The following SDK2 variants were observed in gnomAD, a reference collection of about 807,000 sequenced individuals.
SDK2 encodes the protein sidekick cell adhesion molecule 2.
A neutral mutation model predicts 253.9 loss-of-function variants in SDK2; 105 were observed. The observed-to-expected ratio is 0.41, with a 90% CI of 0.35 to 0.49. The LOEUF is 0.49. Among genes scored for constraint, SDK2 ranks in the 20% least tolerant of loss-of-function variants. The probability of loss-of-function intolerance (pLI) is 0.06; values close to 1 mark genes in which losing one functional copy is unlikely to be tolerated. For missense variants in SDK2, 2,608 were observed against 3,003.0 expected, an observed-to-expected ratio of 0.87 and a Z score of 3.07; for synonymous variants, 1,249 against 1,234.9, an observed-to-expected ratio of 1.01 and a Z score of -0.24.
intron 2 of SDK2, among the ~76,000 whole-genome samples, chr17:73,482,266 T>C (rs1294591207): frequency 8.2e-6 from 1 of 122,126 alleles, no homozygotes; most frequent in African/African-American, 2.9e-5. Context: ...CAAGACTCCA[T>C]CTCAAAAAAA....
At chr17:73,509,040 A>T (rs746482668) in intron 1 of SDK2, among the ~76,000 whole-genome samples, 4 of 152,050 alleles carry the variant, frequency 2.6e-5, no homozygotes, top group African/African-American at 4.8e-5. Flanking sequence ...CTGTGCCCAG[A>T]GGGGTGGGAT....
At chr17:73,364,328 AG>A (rs1483787707) in intron 38 of SDK2, among the ~76,000 whole-genome samples, 1 of 152,130 alleles carries the variant, frequency 6.6e-6, no homozygotes, top group Non-Finnish European at 1.5e-5. Flanking sequence ...GCCCGGAGGA[AG>A]GGGTCAGAAG....
At position 73,465,710 on chromosome 17, in the gene SDK2, C is replaced by T. The variant is rs1212990304; in HGVS notation, c.331+6402G>A. Among the ~76,000 whole-genome samples, 1 of 152,168 alleles carries T rather than the reference C, an allele frequency of 6.6e-6. No homozygotes were observed. Among genetic ancestry groups the T allele is most frequent in the Non-Finnish European group, 1.5e-5 (1 of 68,038 alleles). On this transcript the variant is annotated intron_variant, in intron 3 of 44. Transcript: ENST00000392650. The surrounding 1 kb of genome is among the most constrained non-coding windows in gnomAD (Gnocchi z 4.2). ...TTGCCATTATCATTAGTTGTTAGCA[C>T]AGCTGCCTTATTAATTTCTCATTAG...
chr17:73,507,748 G>A (rs1172861792), intron 1 of SDK2, among the ~76,000 whole-genome samples, 151 bp from the exon 2 acceptor site: 1 of 152,170 alleles, frequency 6.6e-6, no homozygotes, highest in Non-Finnish European at 1.5e-5. Flanking sequence ...TTGAACCTGG[G>A]TCAGTCTGAC....
rs2062641002 is a variant in SDK2 at position 73,361,638 on chromosome 17, G to C, written c.5467+46C>G. On this transcript the variant is annotated intron_variant, in intron 39 of 44. Transcript: ENST00000392650. This position sits in a 1 kb window ranked among gnomAD's most constrained non-coding sequence, Gnocchi z 4.1. ...CCGGGGGCCCCTTCTGACTGGGGAC[G>C]CTGAACCGCCGTGTGGAAGACATGC... 6.3e-7 allele frequency: 1 copy of C among 1,581,440 alleles called. No individual in the cohort carries two copies. The highest frequency in any genetic ancestry group is 1.7e-5 in the Admixed American group (1 of 59,258).
chr17:73,346,689 T>C lies in SDK2; in HGVS notation c.6165+1910A>G, dbSNP rs2062487715. ...CAAACTGACGCTTTGTTTATTGCCA[T>C]ATCACAGGAAAACGACTGGGCAGAT... On this transcript the variant is annotated intron_variant, in intron 44 of 44. Coordinates refer to ENST00000392650, the MANE Select transcript of SDK2 (RefSeq NM_001144952.2). Among the ~76,000 whole-genome samples, 2 of 152,182 alleles carry C rather than the reference T, an allele frequency of 1.3e-5. 1 individual carries two copies. The highest frequency in any genetic ancestry group is 4.1e-4 in the South Asian group (2 of 4,836).
At chr17:73,404,178 C>T (rs1262189643) in intron 18 of SDK2, among the ~76,000 whole-genome samples, 1 of 152,140 alleles carries the variant, frequency 6.6e-6, no homozygotes, top group Non-Finnish European at 1.5e-5. Context: ...ACTTCATTAT[C>T]CTACAGCTTG....
At position 73,589,586 on chromosome 17, in the gene SDK2, C is replaced by T. The variant is rs180709086; in HGVS notation, c.64+54439G>A. ...AAAATGGGGACATTGCTACTGGCTC[C>T]GCAGCCTTAGGCAGGATAAAAGGGG... On this transcript the variant is annotated intron_variant, in intron 1 of 44. Transcript: ENST00000392650. 1.1e-4 allele frequency among the ~76,000 whole-genome samples: 16 copies of T among 152,312 alleles called. No homozygotes were observed. The East Asian group carries it at 2.5e-3, about 24-fold the overall frequency.
intron 1 of SDK2, among the ~76,000 whole-genome samples, chr17:73,588,861 C>T (rs962866555): frequency 2.0e-5 from 3 of 152,262 alleles, no homozygotes; most frequent in Non-Finnish European, 4.4e-5. Context: ...CACTCCTCTA[C>T]GTGGCGCAGG....
chr17:73,591,563 A>G (rs918376282), intron 1 of SDK2, among the ~76,000 whole-genome samples: 7 of 152,164 alleles, frequency 4.6e-5, no homozygotes, highest in Non-Finnish European at 7.4e-5. Flanking sequence ...AACCTGTAGG[A>G]CGTGTAGAAT....
At chr17:73,427,071 C>T (rs914978309) in intron 12 of SDK2, among the ~76,000 whole-genome samples, 3 of 151,660 alleles carry the variant, frequency 2.0e-5, no homozygotes, top group Non-Finnish European at 4.4e-5. Context: ...GGTGACAGAG[C>T]GAGACTCCAT....
intron 36 of SDK2, among the ~76,000 whole-genome samples, chr17:73,369,406 G>A (rs748103047): frequency 1.2e-4 from 18 of 152,256 alleles, no homozygotes; most frequent in Admixed American, 6.5e-4. Flanking sequence ...GGAAGGCCTC[G>A]GCCAAGACGG....
chr17:73,505,287 A>G (rs1344006651), intron 2 of SDK2, among the ~76,000 whole-genome samples: 1 of 152,176 alleles, frequency 6.6e-6, no homozygotes, highest in Non-Finnish European at 1.5e-5. Flanking sequence ...CAACTCAACC[A>G]TCTGACTTTA....
intron 12 of SDK2, among the ~76,000 whole-genome samples, chr17:73,428,886 A>G (rs1483831978): frequency 2.6e-5 from 4 of 152,058 alleles, no homozygotes; most frequent in African/African-American, 9.7e-5. Context: ...CCTTTGATGA[A>G]AAGATGGTCC....
At chr17:73,402,300 G>A (rs1019083126) in intron 18 of SDK2, among the ~76,000 whole-genome samples, 159 bp from the exon 19 acceptor site, 8 of 152,214 alleles carry the variant, frequency 5.3e-5, no homozygotes, top group Non-Finnish European at 1.5e-5. Flanking sequence ...GGGAACCTGC[G>A]GGGTACTGGG....
rs548903770 is a variant in SDK2, at chr17:73,511,354, G to A, written c.65-3757C>T. 4.8e-4 allele frequency among the ~76,000 whole-genome samples: 73 copies of A among 152,280 alleles called. No homozygotes were observed. The highest frequency in any genetic ancestry group is 1.7e-3 in the African/African-American group (72 of 41,562). ...CATATGTGTGAGCACACACACACGC[G>A]CGAGCACGCACACGCTCTGCGCCCA... On this transcript the variant is annotated intron_variant, in intron 1 of 44. Coordinates refer to ENST00000392650, the MANE Select transcript of SDK2 (RefSeq NM_001144952.2). This position sits in a 1 kb window ranked among gnomAD's most constrained non-coding sequence, Gnocchi z 4.9.
In SDK2 at chr17:73,447,876, C is replaced by T. The variant is rs890934412; in HGVS notation, c.480-128G>A. 2.9e-6 allele frequency: 3 copies of T among 1,045,334 alleles called. No homozygotes were observed. Among genetic ancestry groups the T allele is most frequent in the South Asian group, 3.1e-5 (2 of 63,590 alleles). 64.8% of individuals were successfully genotyped at this position (1,045,334 alleles called of 1,614,324 possible). On this transcript the variant is annotated intron_variant, in intron 4 of 44. Transcript: ENST00000392650. The surrounding 1 kb of genome is among the most constrained non-coding windows in gnomAD (Gnocchi z 4.0). The stretch of plus-strand genomic sequence containing the variant: ...AGTCCCCAGCCTCCCAGGGCCCCTC[C>T]TGCCACCCCCTCCCCAACCTCTTAC...
At chr17:73,625,206 A>G (rs559190584) in intron 1 of SDK2, among the ~76,000 whole-genome samples, 2 of 152,292 alleles carry the variant, frequency 1.3e-5, no homozygotes, top group South Asian at 4.2e-4. Context: ...AGGACCAGAC[A>G]AGCAGGCACC....
chr17:73,567,094 T>C (rs2045323777), intron 1 of SDK2, among the ~76,000 whole-genome samples: 1 of 152,164 alleles, frequency 6.6e-6, no homozygotes, highest in Non-Finnish European at 1.5e-5. Flanking sequence ...GAAAATCCCT[T>C]CCATGACAGG....
Sources: allele counts gnomAD v4.1 joint callset (sites outside exome capture counted in the v4.1 genomes callset), GRCh38; gene constraint gnomAD v4.1.1; non-coding constraint Gnocchi (gnomAD v3.1); transcripts MANE v1.5; gene names NCBI Gene and HGNC (gene_info 2026-07-23, HGNC 2026-07-21).